STK32C: variants seen among roughly 807,000 people sequenced by gnomAD.
STK32C encodes serine/threonine kinase 32C, also known as serine/threonine-protein kinase 32C.
Under a neutral mutation model 56.5 loss-of-function variants are expected in STK32C, and 31 were observed. The ratio of observed to expected loss-of-function variants is 0.55; its 90% CI spans 0.41 to 0.74. The LOEUF is 0.74. Among genes scored for constraint, STK32C ranks in the 30% least tolerant of loss-of-function variants. STK32C has a pLI of 0.00. For synonymous variants in STK32C, 309 were observed against 289.4 expected (o/e 1.07, Z -0.69); for missense variants, 544 against 676.9 (o/e 0.80, Z 2.18).
intron 1 of STK32C, 28 bp from the exon 2 acceptor site, chr10:132,245,983 G>A: frequency 1.2e-6 from 2 of 1,612,114 alleles, no homozygotes; most frequent in Non-Finnish European, 1.7e-6. Context: ...GGGACACCTG[G>A]TGAGGTGGCA....
intron 1 of STK32C, among the ~76,000 whole-genome samples, chr10:132,280,426 A>T (rs575294425): frequency 7.6e-3 from 374 of 49,298 alleles, no homozygotes; most frequent in African/African-American, 0.03. Context: ...TGATCACACC[A>T]CTGCACTCCG....
rs553431535 is a variant in STK32C, at chr10:132,240,071, G to C, written c.318+5829C>G. On this transcript the variant is annotated intron_variant, in intron 2 of 11. Coordinates refer to ENST00000298630, the MANE Select transcript of STK32C (RefSeq NM_173575.4). ...ATCCTGGTGGCCTGGAGAGCACGAG[G>C]CCCCCCCCAAAGAAGACCCCCAGGG... is the stretch of plus-strand genomic sequence containing the variant. 2.9e-4 allele frequency among the ~76,000 whole-genome samples: 44 copies of C among 151,922 alleles called. 1 individual carries two copies. Among genetic ancestry groups the C allele is most frequent in the African/African-American group, 1.0e-3 (42 of 41,448 alleles).
chr10:132,207,712 T>C lies in STK32C; in HGVS notation c.*298A>G, dbSNP rs575645829. The C allele has an allele frequency of 7.8e-5, 23 of 295,452 alleles. No homozygotes were observed. The East Asian group carries it at 1.1e-3, about 15-fold the overall frequency. The allele number at this position is 295,452 out of a possible 1,614,324, so 18.3% of individuals were successfully genotyped here. A position where few individuals can be genotyped will look rare whatever the true frequency, so the allele number is the denominator to read the frequency against. On this transcript the variant is annotated 3_prime_UTR_variant, in exon 12 of 12. Coordinates refer to ENST00000298630, the MANE Select transcript of STK32C (RefSeq NM_173575.4). Reference sequence around the variant, plus strand: ...CGGGCTGAGCAGGGACAAAGACTCCTGTCCCATCCATGGCCCCAGCTCCCC... The same window carrying C: ...CGGGCTGAGCAGGGACAAAGACTCCCGTCCCATCCATGGCCCCAGCTCCCC...
intron 1 of STK32C, among the ~76,000 whole-genome samples, chr10:132,254,217 G>GAGAACGGCATGAACCCGGGAGGCAGA (rs1231865170): frequency 3.8e-4 from 58 of 152,294 alleles, no homozygotes; most frequent in Middle Eastern, 3.4e-3. Context: ...GCTGAGGCAG[G>GAGAACGGCATGAACCCGGGAGGCAGA]AGAACGGCAT....
intron 1 of STK32C, among the ~76,000 whole-genome samples, chr10:132,292,658 G>C (rs1207318926): frequency 6.6e-6 from 1 of 152,146 alleles, no homozygotes; most frequent in Non-Finnish European, 1.5e-5. Context: ...CAGATTCCCG[G>C]TGCCAGCCCA....
intron 2 of STK32C, among the ~76,000 whole-genome samples, chr10:132,237,116 C>A (rs991932718): frequency 6.6e-6 from 1 of 152,236 alleles, no homozygotes; most frequent in Non-Finnish European, 1.5e-5. Flanking sequence ...ACCGGAGCTG[C>A]CAGCTGGGTG....
At chr10:132,287,308 T>G (rs768151202) in intron 1 of STK32C, among the ~76,000 whole-genome samples, 1 of 151,600 alleles carries the variant, frequency 6.6e-6, no homozygotes, top group African/African-American at 2.4e-5. Flanking sequence ...CTGGCCAACA[T>G]GGTGAAACCC....
At position 132,223,631 on chromosome 10, in the gene STK32C, C is replaced by T. The variant is rs117739876; in HGVS notation, c.994-645G>A. On this transcript the variant is annotated intron_variant, in intron 8 of 11. Transcript: ENST00000298630. ...GGCTACAGCAGAGTTAAGAGACTCTCGGGGCTGGGGAGAGGCCCCGGCAGG... is the reference window on the plus strand; with the variant it reads ...GGCTACAGCAGAGTTAAGAGACTCTTGGGGCTGGGGAGAGGCCCCGGCAGG... Among the ~76,000 whole-genome samples the T allele has an allele frequency of 3.0e-3, 457 of 152,326 alleles. 1 individual carries two copies. The highest frequency in any genetic ancestry group is 5.1e-3 in the Non-Finnish European group (350 of 68,026).
At chr10:132,288,625 C>A (rs2065481164) in intron 1 of STK32C, among the ~76,000 whole-genome samples, 1 of 152,120 alleles carries the variant, frequency 6.6e-6, no homozygotes, top group African/African-American at 2.4e-5. Flanking sequence ...AATTAGACTT[C>A]AATAAAACTG....
chr10:132,225,351 G>T lies in STK32C; in HGVS notation c.773-15C>A, dbSNP rs769853252. 6.2e-7 allele frequency: 1 copy of T among 1,603,030 alleles called. No individual in the cohort carries two copies. Among genetic ancestry groups the T allele is most frequent in the South Asian group, 1.1e-5 (1 of 89,822 alleles). On this transcript the variant is annotated splice_polypyrimidine_tract_variant and intron_variant, in intron 6 of 11. Coordinates refer to ENST00000298630, the MANE Select transcript of STK32C (RefSeq NM_173575.4). ...GATCTCCGGAGCTTTCCGACAGAAA[G>T]AAGGAAAAACAGCTGCCACGGGGTC...
chr10:132,274,576 T>C (rs913534187), intron 1 of STK32C, among the ~76,000 whole-genome samples: 1 of 152,130 alleles, frequency 6.6e-6, no homozygotes, highest in Non-Finnish European at 1.5e-5. Flanking sequence ...GGCTTGGGAA[T>C]CTAACAGGGC....
chr10:132,331,983 A>T, upstream of STK32C: 1 of 435,080 alleles, frequency 2.3e-6, no homozygotes, highest in East Asian at 4.1e-5. Context: ...CCTCCCGGGC[A>T]GGCGCACCAC....
intron 10 of STK32C, 31 bp downstream of exon 10, chr10:132,222,610 C>T (rs375323761): frequency 1.3e-5 from 21 of 1,606,934 alleles, no homozygotes; most frequent in Admixed American, 5.0e-5. Flanking sequence ...CCCAGCCCGC[C>T]GCCGCGCCCT....
chr10:132,319,055 TCTC>T (rs2066357586), downstream of STK32C, among the ~76,000 whole-genome samples: 3 of 152,128 alleles, frequency 2.0e-5, no homozygotes, highest in South Asian at 6.2e-4. Context: ...TTAAAGCAAT[TCTC>T]CTGCCTCAGC....
chr10:132,266,177 A>T (rs1302987152), intron 1 of STK32C, among the ~76,000 whole-genome samples: 1 of 152,214 alleles, frequency 6.6e-6, no homozygotes, highest in Non-Finnish European at 1.5e-5. Context: ...CCCGATCCAT[A>T]GCCACGTGGA....
At chr10:132,226,681 A>C (rs2062903468) in intron 4 of STK32C, 114 bp downstream of exon 4, 1 of 1,271,334 alleles carries the variant, frequency 7.9e-7, no homozygotes, top group East Asian at 2.5e-5. Context: ...AGGGTGGGGC[A>C]GAGGAGCTAG....
At chr10:132,326,071 G>A (rs978266803) in intron 1 of STK32C, among the ~76,000 whole-genome samples, 2 of 152,236 alleles carry the variant, frequency 1.3e-5, no homozygotes, top group Admixed American at 1.3e-4. Context: ...TTCCTATGTA[G>A]ACCTTCAAAG....
intron 10 of STK32C, among the ~76,000 whole-genome samples, chr10:132,220,983 C>T (rs1002212822): frequency 2.6e-5 from 4 of 152,262 alleles, no homozygotes; most frequent in South Asian, 2.1e-4. Flanking sequence ...GAGTAGTTCA[C>T]GCACAGCCGG....
chr10:132,242,896 G>A (rs2063555559), intron 2 of STK32C, among the ~76,000 whole-genome samples: 1 of 152,190 alleles, frequency 6.6e-6, no homozygotes, highest in Non-Finnish European at 1.5e-5. Context: ...TGGGCCCAAA[G>A]AACAGGAAAA....
Sources: allele counts gnomAD v4.1 joint callset (sites outside exome capture counted in the v4.1 genomes callset), GRCh38; gene constraint gnomAD v4.1.1; transcripts MANE v1.5; gene names NCBI Gene and HGNC (gene_info 2026-07-23, HGNC 2026-07-21).